Variants in DRC1 observed in about 807,000 individuals in gnomAD.
DRC1 encodes the protein dynein regulatory complex subunit 1, also known as dynein regulatory complex protein 1.
A neutral mutation model predicts 98.7 loss-of-function variants in DRC1; 74 were observed. That is an observed-to-expected ratio of 0.75 (90% CI 0.62 to 0.91). DRC1 has a LOEUF of 0.91. DRC1 is among the 40% of genes least tolerant of loss of function. DRC1 has a pLI of 0.00. For synonymous variants in DRC1, 336 were observed against 334.1 expected, an observed-to-expected ratio of 1.01 and a Z score of -0.06; for missense variants, 875 against 886.0, an observed-to-expected ratio of 0.99 and a Z score of 0.16.
At chr2:26,448,345 T>G (rs188050706) in intron 10 of DRC1, 3 of 504,764 alleles carry the variant, frequency 5.9e-6, no homozygotes, top group Non-Finnish European at 1.2e-5. Flanking sequence ...CTAGATCATC[T>G]CTGAAATAAG....
rs79731657 is a variant in DRC1 at position 26,430,680 on chromosome 2, A to G, written c.679-106A>G. On this transcript the variant is annotated intron_variant, in intron 5 of 16. Coordinates refer to ENST00000288710, the MANE Select transcript of DRC1 (RefSeq NM_145038.5). ...TCTGAATTTGGATTTGACTTTTTCT[A>G]TGTGGTTGGTGATATGGCACTTATA... 993 of 1,164,714 alleles carry G rather than the reference A, an allele frequency of 8.5e-4. 9 individuals carry two copies. In the African/African-American group the frequency reaches 0.013, roughly 15 times the overall value. 72.1% of individuals were successfully genotyped at this position (1,164,714 alleles called of 1,614,324 possible).
At position 26,456,595 on chromosome 2, in the gene DRC1, T is replaced by C. The variant is rs1664184529; in HGVS notation, c.*78T>C. The stretch of plus-strand genomic sequence containing the variant: ...GCCGGAGCCAGCTCATATCACCCAC[T>C]GGGCCGCACCTGGGCCTGCTCTCTG... On this transcript the variant is annotated 3_prime_UTR_variant, in exon 17 of 17. Transcript: ENST00000288710. 2 of 1,564,490 alleles carry C rather than the reference T, an allele frequency of 1.3e-6. No homozygotes were observed. Among genetic ancestry groups the C allele is most frequent in the Non-Finnish European group, 1.8e-6 (2 of 1,137,274 alleles).
At chr2:26,442,967 C>G (rs970477728) in intron 8 of DRC1, among the ~76,000 whole-genome samples, 31 of 152,264 alleles carry the variant, frequency 2.0e-4, no homozygotes, top group African/African-American at 6.7e-4. Context: ...TACTGCATGA[C>G]ATTGGGAAAA....
chr2:26,422,428 A>G (rs538701114), intron 3 of DRC1, among the ~76,000 whole-genome samples: 4 of 152,312 alleles, frequency 2.6e-5, no homozygotes, highest in Admixed American at 2.6e-4. Flanking sequence ...ACCTGCGTCA[A>G]GTCCTCAGCT....
intron 7 of DRC1, among the ~76,000 whole-genome samples, chr2:26,438,027 G>A (rs1287015807): frequency 6.7e-6 from 1 of 149,496 alleles, no homozygotes; most frequent in Admixed American, 6.7e-5. Context: ...GGGAAGTGGA[G>A]GTTGCAGTGA....
intron 1 of DRC1, among the ~76,000 whole-genome samples, chr2:26,409,098 ATT>A (rs748498967): frequency 2.0e-4 from 28 of 141,676 alleles, no homozygotes; most frequent in Admixed American, 2.8e-4. Flanking sequence ...TGCCCGGCTA[ATT>A]TTTTTTTTTT....
At chr2:26,434,890 C>CAAA (rs58202507) in intron 7 of DRC1, among the ~76,000 whole-genome samples, 4 of 126,854 alleles carry the variant, frequency 3.2e-5, no homozygotes, top group African/African-American at 3.2e-5. Flanking sequence ...GACTCCGTCT[C>CAAA]AAAAAAAAAA....
In DRC1 at chr2:26,454,965, G is replaced by C. The variant is rs540449948; in HGVS notation, c.2064-166G>C. ...GCAGTTGGCTCTTGGGCCCTGGCCT[G>C]CCTGTTCTGTTCCTGCTAACCTGGC... On this transcript the variant is annotated intron_variant, in intron 15 of 16. Coordinates refer to ENST00000288710, the MANE Select transcript of DRC1 (RefSeq NM_145038.5). This position sits in a 1 kb window ranked among gnomAD's most constrained non-coding sequence, Gnocchi z 5.2. 2.0e-5 allele frequency among the ~76,000 whole-genome samples: 3 copies of C among 152,250 alleles called. No individual in the cohort carries two copies. The South Asian group carries it at 6.2e-4, about 32-fold the overall frequency.
chr2:26,417,326 TC>T (rs1678841842), intron 2 of DRC1, among the ~76,000 whole-genome samples: 1 of 151,856 alleles, frequency 6.6e-6, no homozygotes, highest in Non-Finnish European at 1.5e-5. Flanking sequence ...ACTTGGCTAT[TC>T]TTTTTTTTTT....
chr2:26,402,600 T>A (rs899213088), intron 1 of DRC1, among the ~76,000 whole-genome samples: 1 of 152,154 alleles, frequency 6.6e-6, no homozygotes, highest in Non-Finnish European at 1.5e-5. Flanking sequence ...TATTCCTAAG[T>A]GCGGGATGTA....
At chr2:26,433,759 G>A (rs1428739204) in intron 7 of DRC1, among the ~76,000 whole-genome samples, 1 of 152,142 alleles carries the variant, frequency 6.6e-6, no homozygotes, top group Non-Finnish European at 1.5e-5. Context: ...AGGGAGCCTG[G>A]GAGACCTGGT....
chr2:26,453,180 G>A (rs1312729286), intron 13 of DRC1, 140 bp from the exon 14 acceptor site: 5 of 958,456 alleles, frequency 5.2e-6, no homozygotes, highest in Non-Finnish European at 7.9e-6. Context: ...TCTTTCTCCT[G>A]TTTCTGTCCC....
intron 1 of DRC1, among the ~76,000 whole-genome samples, chr2:26,408,976 A>G (rs1678510947): frequency 6.6e-6 from 1 of 152,090 alleles, no homozygotes. Context: ...TCCATTGCCC[A>G]GGCTGGAGTG....
rs749441513 is a variant in DRC1 at position 26,453,303 on chromosome 2, C to G, written c.1690-17C>G. On this transcript the variant is annotated splice_polypyrimidine_tract_variant and intron_variant, in intron 13 of 16. Transcript: ENST00000288710. ...CGTGTGTCCCCAGCCCACAGTTGTC[C>G]GTGCATCTTTCTCCAGATCAAGCCC... 1.9e-6 allele frequency: 3 copies of G among 1,613,686 alleles called. No individual in the cohort carries two copies. The highest frequency in any genetic ancestry group is 2.5e-6 in the Non-Finnish European group (3 of 1,179,862).
At chr2:26,406,930 C>G (rs375788906) in intron 1 of DRC1, among the ~76,000 whole-genome samples, 5 of 151,510 alleles carry the variant, frequency 3.3e-5, no homozygotes, top group African/African-American at 1.2e-4. Context: ...TGATCCCCCC[C>G]ACCCCAGCCT....
chr2:26,415,176 C>T (rs1047642289), intron 2 of DRC1, among the ~76,000 whole-genome samples: 1 of 152,108 alleles, frequency 6.6e-6, no homozygotes, highest in Non-Finnish European at 1.5e-5. Context: ...CATTGATTAC[C>T]CTCCATGGCG....
rs760178883 is a variant in DRC1 at position 26,433,928 on chromosome 2, G to A, written c.888+1922G>A. ...ACCACTTTCCACACTGTAACAGAGG[G>A]AAAAAAAAAATCATCCAATCAGGGA... On this transcript the variant is annotated intron_variant, in intron 7 of 16. Transcript: ENST00000288710. Among the ~76,000 whole-genome samples the A allele has an allele frequency of 3.0e-4, 45 of 149,470 alleles. No homozygotes were observed. In the Middle Eastern group the frequency reaches 0.01, roughly 34 times the overall value.
At position 26,405,628 on chromosome 2, in the gene DRC1, TG is replaced by T. The variant is rs1453994236; in HGVS notation, c.155+3485del. On this transcript the variant is annotated intron_variant, in intron 1 of 16. Coordinates refer to ENST00000288710, the MANE Select transcript of DRC1 (RefSeq NM_145038.5). ...GGCTATGATAATGGTATGGTGGTCT[TG>T]TTTTTTTTTTTTAAAGGCTATATCT... Among the ~76,000 whole-genome samples, 6 of 150,384 alleles carry T rather than the reference TG, an allele frequency of 4.0e-5. 1 individual carries two copies. The highest frequency in any genetic ancestry group is 8.9e-5 in the Non-Finnish European group (6 of 67,688).
At chr2:26,402,734 C>G (rs2147972831) in intron 1 of DRC1, among the ~76,000 whole-genome samples, 1 of 152,302 alleles carries the variant, frequency 6.6e-6, no homozygotes, top group South Asian at 2.1e-4. Flanking sequence ...CCACTGGACC[C>G]CTACAAACTT....
Sources: allele counts gnomAD v4.1 joint callset (sites outside exome capture counted in the v4.1 genomes callset), GRCh38; gene constraint gnomAD v4.1.1; non-coding constraint Gnocchi (gnomAD v3.1); transcripts MANE v1.5; gene names NCBI Gene and HGNC (gene_info 2026-07-23, HGNC 2026-07-21).